LARGE1: variants seen among roughly 807,000 people sequenced by gnomAD.
The protein encoded by LARGE1 is xylosyl- and glucuronyltransferase LARGE1.
LARGE1 carries 43 observed loss-of-function variants against 87.6 expected under a neutral mutation model. The ratio of observed to expected loss-of-function variants is 0.49; its 90% CI spans 0.38 to 0.63. The LOEUF (loss-of-function observed/expected upper bound fraction) is 0.63. Among genes scored for constraint, LARGE1 ranks in the 30% least tolerant of loss-of-function variants. LARGE1 has a pLI of 0.00. For synonymous variants in LARGE1, 434 were observed against 394.6 expected, an observed-to-expected ratio of 1.10 and a Z score of -1.18; for missense variants, 802 against 1,000.2, an observed-to-expected ratio of 0.80 and a Z score of 2.67.
intron 5 of LARGE1, among the ~76,000 whole-genome samples, chr22:33,599,280 G>A (rs1160563093): frequency 6.6e-6 from 1 of 152,188 alleles, no homozygotes; most frequent in Admixed American, 6.5e-5. Context: ...TGAGGTGGAG[G>A]TAATCATACT....
At chr22:33,589,114 A>C (rs1218227764) in intron 5 of LARGE1, among the ~76,000 whole-genome samples, 1 of 152,208 alleles carries the variant, frequency 6.6e-6, no homozygotes, top group East Asian at 1.9e-4. Context: ...CATAGAGTTC[A>C]ACTGTAGTAA....
intron 1 of LARGE1, among the ~76,000 whole-genome samples, chr22:33,804,994 A>G (rs939076896): frequency 6.6e-6 from 1 of 152,182 alleles, no homozygotes; most frequent in Non-Finnish European, 1.5e-5. Flanking sequence ...CACTCATTCA[A>G]TAAGACTGAA....
At chr22:33,879,127 G>A (rs893949860) in intron 1 of LARGE1, among the ~76,000 whole-genome samples, 2 of 151,908 alleles carry the variant, frequency 1.3e-5, no homozygotes, top group African/African-American at 4.8e-5. Context: ...CATGCGCCAC[G>A]ATGCCTGGCT....
In LARGE1 at chr22:33,283,320, T is replaced by C. The variant is rs749685972; in HGVS notation, c.1759A>G (p.Asn587Asp). ...GGGACAATCATTGCTTTCTTGGTGT[T>C]GGCAAGATCGAGCTGGATGACAGAC... is the stretch of plus-strand genomic sequence containing the variant. Reference protein sequence around the residue: ...RKSVIQLDLANTKKAMIVPAF... With the variant: ...RKSVIQLDLADTKKAMIVPAF... The change falls in exon 13 of 15, where the codon AAC becomes GAC. Residue 587 changes from asparagine to aspartate, a missense_variant. Asn to Asp is a conservative substitution (Grantham distance 23, BLOSUM62 1). This residue lies in a region of LARGE1 where 625 missense variants were observed against 841.9 expected (regional missense o/e 0.74). Transcript: ENST00000397394. 2.3e-5 allele frequency: 37 copies of C among 1,614,074 alleles called. No homozygotes were observed. The highest frequency in any genetic ancestry group is 3.0e-5 in the Non-Finnish European group (35 of 1,180,006).
At chr22:33,148,424 T>C in the LARGE1 span, among the ~76,000 whole-genome samples, 1 of 152,238 alleles carries the variant, frequency 6.6e-6, no homozygotes, top group Non-Finnish European at 1.5e-5. Context: ...TTTTTGTTGC[T>C]CAATAGTAGG....
chr22:33,163,479 G>T (rs570404727), exon 12 of LARGE1: 1 of 152,306 alleles, frequency 6.6e-6, no homozygotes, highest in East Asian at 1.9e-4. Context: ...GCATGAACTT[G>T]TTCATTACAG....
chr22:33,365,291 A>G (rs2064545507), intron 9 of LARGE1, among the ~76,000 whole-genome samples: 1 of 152,108 alleles, frequency 6.6e-6, no homozygotes, highest in South Asian at 2.1e-4. Flanking sequence ...ATTTTTCAAT[A>G]TAGTGCCAAA....
intron 7 of LARGE1, among the ~76,000 whole-genome samples, chr22:33,421,004 A>G (rs2066672910): frequency 1.3e-5 from 2 of 152,114 alleles, no homozygotes; most frequent in Non-Finnish European, 2.9e-5. Context: ...CCCGGCCAAC[A>G]TGGTGAAACC....
intron 2 of LARGE1, among the ~76,000 whole-genome samples, chr22:33,711,315 T>G (rs933456367): frequency 1.3e-5 from 2 of 152,084 alleles, no homozygotes; most frequent in Non-Finnish European, 2.9e-5. Flanking sequence ...GATCCGAAGG[T>G]TAGAATGGAT....
intron 1 of LARGE1, among the ~76,000 whole-genome samples, chr22:33,801,421 G>A (rs915056397): frequency 1.3e-5 from 2 of 152,168 alleles, no homozygotes; most frequent in African/African-American, 4.8e-5. Context: ...GTGTGTAATG[G>A]TAGCTAATTA....
the LARGE1 span, among the ~76,000 whole-genome samples, chr22:33,145,601 G>A: frequency 6.4e-4 from 97 of 152,292 alleles, no homozygotes; most frequent in African/African-American, 2.3e-3. Flanking sequence ...GCTGGACAAA[G>A]CGGAGTCTGA....
chr22:33,650,442 G>C lies in LARGE1; in HGVS notation c.333C>G (p.Ser111Arg), dbSNP rs746767821. Reference protein sequence around the residue: ...TYSMEEGTGDSENLRAGIVAG... With the variant: ...TYSMEEGTGDRENLRAGIVAG... ...CCACGATGCCAGCCCGAAGGTTCTC[G>C]CTGTCTCCAGTGCCCTCCTCCATGG... The change falls in exon 3 of 15, where the codon AGC becomes AGG. Residue 111 changes from serine (S) to arginine (R), a missense_variant. Coordinates refer to ENST00000397394, the MANE Select transcript of LARGE1 (RefSeq NM_133642.5). The C allele has an allele frequency of 6.2e-7, 1 of 1,614,096 alleles. No individual in the cohort carries two copies. The highest frequency in any genetic ancestry group is 1.3e-5 in the African/African-American group (1 of 75,064).
chr22:33,107,509 C>T, the LARGE1 span, among the ~76,000 whole-genome samples: 636 of 150,346 alleles, frequency 4.2e-3, 3 homozygotes, highest in African/African-American at 0.014. Context: ...GATCCACGTT[C>T]GCACCACTGC....
In LARGE1 at chr22:33,474,232, C is replaced by T. The variant is rs555329117; in HGVS notation, c.788-41967G>A. 3.1e-3 allele frequency among the ~76,000 whole-genome samples: 471 copies of T among 152,234 alleles called. 3 individuals are homozygous for T. The highest frequency in any genetic ancestry group is 0.022 in the South Asian group (104 of 4,820). On this transcript the variant is annotated intron_variant, in intron 6 of 14. Coordinates refer to ENST00000397394, the MANE Select transcript of LARGE1 (RefSeq NM_133642.5). ...AGGCTGAAGTGCAATGGTGCAATCT[C>T]GGCTCACTGCAACCTCCGCCTCCCA...
intron 1 of LARGE1, among the ~76,000 whole-genome samples, chr22:33,771,889 C>T (rs928251871): frequency 1.3e-5 from 2 of 152,220 alleles, no homozygotes; most frequent in East Asian, 1.9e-4. Context: ...GGGCAATCCA[C>T]GCAATCTCCA....
intron 5 of LARGE1, among the ~76,000 whole-genome samples, chr22:33,603,115 C>T (rs2079155896): frequency 6.6e-6 from 1 of 152,114 alleles, no homozygotes; most frequent in African/African-American, 2.4e-5. Context: ...ATTACCAAGA[C>T]AATCCCCAAA....
chr22:33,709,793 T>G (rs185588463), intron 2 of LARGE1, among the ~76,000 whole-genome samples: 257 of 151,862 alleles, frequency 1.7e-3, no homozygotes, highest in Middle Eastern at 6.8e-3. Context: ...GCCCAGCTAA[T>G]TTTTATATTT....
At chr22:33,549,821 A>G (rs2077471311) in intron 6 of LARGE1, among the ~76,000 whole-genome samples, 1 of 152,164 alleles carries the variant, frequency 6.6e-6, no homozygotes, top group Non-Finnish European at 1.5e-5. Context: ...CCCACCTATG[A>G]GTGAGAACAT....
chr22:33,610,441 G>A (rs1341605219), intron 4 of LARGE1, among the ~76,000 whole-genome samples: 1 of 152,202 alleles, frequency 6.6e-6, no homozygotes, highest in African/African-American at 2.4e-5. Flanking sequence ...CCATGCCCTA[G>A]AGATCTGTGG....
Sources: gnomAD v4.1 joint callset for allele counts (sites outside exome capture counted in the v4.1 genomes callset) on GRCh38, gnomAD v4.1.1 for gene constraint, gnomAD v4.1.1 regional missense constraint, MANE v1.5 for transcripts, NCBI Gene and HGNC (gene_info 2026-07-23, HGNC 2026-07-21) for gene names.